APBB2: variants seen among roughly 807,000 people sequenced by gnomAD.
APBB2 encodes amyloid beta precursor protein binding family B member 2.
APBB2 carries 38 observed loss-of-function variants against 82.5 expected under a neutral mutation model. The ratio of observed to expected loss-of-function variants is 0.46; its 90% CI spans 0.36 to 0.60. The LOEUF (loss-of-function observed/expected upper bound fraction) is 0.60, where lower values mean the gene tolerates loss of function less well. APBB2 is among the 20% of genes least tolerant of loss of function. The probability of loss-of-function intolerance (pLI) is 0.00; values close to 1 mark genes in which losing one functional copy is unlikely to be tolerated. For synonymous variants in APBB2, 341 were observed against 368.2 expected (o/e 0.93, Z 0.85); for missense variants, 772 against 972.3 (o/e 0.79, Z 2.74).
Position 41,033,290 on chromosome 4 carries a change from G to T in APBB2, c.-36C>A. The T allele has an allele frequency of 1.3e-6, 2 of 1,581,272 alleles. No homozygotes were observed. Among genetic ancestry groups the T allele is most frequent in the East Asian group, 2.3e-5 (1 of 44,238 alleles). ...GCGTCAGCAATGGTGCAGGAAATAG[G>T]TTATAATTTGAAATCTAAAAAGAAG... On this transcript the variant is annotated 5_prime_UTR_variant, in exon 5 of 18. Coordinates refer to ENST00000508593, the MANE Select transcript of APBB2 (RefSeq NM_004307.2).
chr4:40,930,446 TGTGCGCGCGCGCGCGCGCGC>T (rs1194876198), intron 10 of APBB2, among the ~76,000 whole-genome samples: 5 of 81,382 alleles, frequency 6.1e-5, no homozygotes, highest in South Asian at 3.1e-4. Flanking sequence ...TGTGTGTGTG[TGTGCGCGCGCGCGCGCGCGC>T]GTGCGCGTGC....
Position 40,922,350 on chromosome 4 carries a change from C to CA in APBB2, c.1254+12105dup. On this transcript the variant is annotated intron_variant, in intron 10 of 17. Transcript: ENST00000508593. ...GTATGTACTAGCTATTGAATACATA[C>CA]ATGCCGAGTGAACAGATGAATCTAC... Among the ~76,000 whole-genome samples, 3 of 152,320 alleles carry CA rather than the reference C, an allele frequency of 2.0e-5. 1 individual carries two copies. Among genetic ancestry groups the CA allele is most frequent in the African/African-American group, 7.2e-5 (3 of 41,570 alleles).
intron 3 of APBB2, among the ~76,000 whole-genome samples, chr4:41,073,517 T>C (rs1734598571): frequency 6.6e-6 from 1 of 152,230 alleles, no homozygotes. Flanking sequence ...AACAGAACTT[T>C]CTAAAATCAG....
At chr4:40,923,694 C>T (rs1331501871) in intron 10 of APBB2, among the ~76,000 whole-genome samples, 3 of 152,194 alleles carry the variant, frequency 2.0e-5, no homozygotes, top group Non-Finnish European at 4.4e-5. Flanking sequence ...GGGAAGTCTG[C>T]CTTTCCTTCA....
rs1017256418 is a variant in APBB2 at position 41,127,539 on chromosome 4, G to A, written c.-261+15448C>T. ...GGGTTCAGCAAATGATAACACTATC[G>A]GAGATTAAGATTTCTATTCAAAGCA... On this transcript the variant is annotated intron_variant, in intron 2 of 17. Transcript: ENST00000508593. This position sits in a 1 kb window ranked among gnomAD's most constrained non-coding sequence, Gnocchi z 4.8. Among the ~76,000 whole-genome samples, 56 of 152,096 alleles carry A rather than the reference G, an allele frequency of 3.7e-4. No homozygotes were observed. The highest frequency in any genetic ancestry group is 1.0e-3 in the African/African-American group (43 of 41,418).
chr4:41,195,091 G>A lies in APBB2; in HGVS notation c.-417+19314C>T. On this transcript the variant is annotated intron_variant, in intron 1 of 17. Transcript: ENST00000508593. ...TCATCTGTCCAGCCCTAACCTGACC[G>A]TGCTATGTAAGTCTTCTCCGTCTTC... Among the ~76,000 whole-genome samples, 868 of 152,100 alleles carry A rather than the reference G, an allele frequency of 5.7e-3. 10 individuals are homozygous for A. Among genetic ancestry groups the A allele is most frequent in the African/African-American group, 0.02 (846 of 41,466 alleles).
At chr4:40,878,628 T>G (rs888032096) in intron 12 of APBB2, among the ~76,000 whole-genome samples, 2 of 152,210 alleles carry the variant, frequency 1.3e-5, no homozygotes, top group African/African-American at 4.8e-5. Flanking sequence ...GGAGTATTTC[T>G]GGTATAAAAT....
At chr4:40,850,740 G>A (rs1486273087) in intron 12 of APBB2, among the ~76,000 whole-genome samples, 2 of 152,156 alleles carry the variant, frequency 1.3e-5, no homozygotes, top group East Asian at 1.9e-4. Flanking sequence ...CCGGGAGTTC[G>A]AGGTCAGCAT....
chr4:40,831,486 T>C (rs1751881751), intron 12 of APBB2, among the ~76,000 whole-genome samples: 1 of 152,170 alleles, frequency 6.6e-6, no homozygotes, highest in African/African-American at 2.4e-5. Context: ...GAAAACTGAA[T>C]TTCACAGAAC....
intron 6 of APBB2, among the ~76,000 whole-genome samples, chr4:40,977,001 A>G (rs1332343868): frequency 1.3e-5 from 2 of 152,174 alleles, no homozygotes; most frequent in African/African-American, 4.8e-5. Flanking sequence ...GTGAGCTATG[A>G]TTGAGCCACT....
intron 3 of APBB2, among the ~76,000 whole-genome samples, chr4:41,071,214 C>T (rs138407597): frequency 2.0e-4 from 30 of 152,156 alleles, no homozygotes; most frequent in African/African-American, 5.8e-4. Context: ...AGTTTGTACA[C>T]AAAAAATTTT....
intron 2 of APBB2, among the ~76,000 whole-genome samples, chr4:41,121,527 C>T (rs1752809764): frequency 6.6e-6 from 1 of 152,190 alleles, no homozygotes; most frequent in Non-Finnish European, 1.5e-5. Context: ...GGGAAAGCGA[C>T]AGAGTTGGGA....
At chr4:41,073,124 C>T (rs559645702) in intron 3 of APBB2, among the ~76,000 whole-genome samples, 2 of 152,276 alleles carry the variant, frequency 1.3e-5, no homozygotes, top group East Asian at 3.9e-4. Flanking sequence ...AGTTTCTATC[C>T]AACTTTCACC....
At chr4:40,830,354 C>G in intron 13 of APBB2, 109 bp downstream of exon 13, 1 of 732,270 alleles carries the variant, frequency 1.4e-6, no homozygotes, top group South Asian at 1.6e-5. Flanking sequence ...GCCTACTTCT[C>G]CCTGAGCTCA....
chr4:41,011,898 G>C (rs57205011), intron 6 of APBB2, among the ~76,000 whole-genome samples: 1 of 151,850 alleles, frequency 6.6e-6, no homozygotes, highest in African/African-American at 2.4e-5. Context: ...AGTCTCGCTC[G>C]ATCACCCAGG....
chr4:40,845,188 G>C (rs962297911), intron 12 of APBB2, among the ~76,000 whole-genome samples: 1 of 152,226 alleles, frequency 6.6e-6, no homozygotes, highest in Non-Finnish European at 1.5e-5. Flanking sequence ...ACACCGCAGA[G>C]TGATATTTGA....
At chr4:41,033,168 A>AT in intron 5 of APBB2, 68 bp downstream of exon 5, 1 of 986,456 alleles carries the variant, frequency 1.0e-6, no homozygotes, top group African/African-American at 1.6e-5. Flanking sequence ...AACATTAAAC[A>AT]TTATCTTTTT....
At chr4:40,989,130 C>T (rs1191360665) in intron 6 of APBB2, among the ~76,000 whole-genome samples, 1 of 152,156 alleles carries the variant, frequency 6.6e-6, no homozygotes, top group Admixed American at 6.5e-5. Flanking sequence ...ACCTAACTCC[C>T]TCTTCCACCT....
At chr4:41,091,292 A>C (rs1403894565) in intron 3 of APBB2, among the ~76,000 whole-genome samples, 1 of 152,206 alleles carries the variant, frequency 6.6e-6, no homozygotes, top group African/African-American at 2.4e-5. Context: ...TTTAAAATGC[A>C]ATACAGTTTT....
Sources: gnomAD v4.1 joint callset for allele counts (sites outside exome capture counted in the v4.1 genomes callset) on GRCh38, gnomAD v4.1.1 for gene constraint, Gnocchi (gnomAD v3.1) non-coding constraint, MANE v1.5 for transcripts, NCBI Gene and HGNC (gene_info 2026-07-23, HGNC 2026-07-21) for gene names.